FAT3: variants seen among roughly 807,000 people sequenced by gnomAD.
The protein encoded by FAT3 is FAT atypical cadherin 3, also known as protocadherin Fat 3.
Under a neutral mutation model 310.2 loss-of-function variants are expected in FAT3, and 95 were observed. The ratio of observed to expected loss-of-function variants is 0.31; its 90% CI spans 0.26 to 0.36. The LOEUF is 0.36. Among genes scored for constraint, FAT3 ranks in the 10% least tolerant of loss-of-function variants. FAT3 has a pLI of 1.00. For synonymous variants in FAT3, 2,314 were observed against 2,192.9 expected (o/e 1.06, Z -1.54); for missense variants, 5,408 against 5,715.6 (o/e 0.95, Z 1.74).
intron 3 of FAT3, among the ~76,000 whole-genome samples, chr11:92,582,470 A>G (rs924375780): frequency 6.6e-6 from 1 of 152,000 alleles, no homozygotes; most frequent in Non-Finnish European, 1.5e-5. Flanking sequence ...CTGATATTCA[A>G]ATTTAACTGA....
intron 4 of FAT3, among the ~76,000 whole-genome samples, chr11:92,739,144 C>T (rs1049134449): frequency 3.9e-5 from 6 of 152,162 alleles, no homozygotes; most frequent in African/African-American, 1.4e-4. Flanking sequence ...CACCCTAAGC[C>T]TTTCCTGGAT....
At chr11:92,495,456 A>G (rs1003942914) in intron 2 of FAT3, among the ~76,000 whole-genome samples, 1 of 152,096 alleles carries the variant, frequency 6.6e-6, no homozygotes, top group Non-Finnish European at 1.5e-5. Context: ...ACAATTGAAG[A>G]TATTTTTCAC....
intron 1 of FAT3, among the ~76,000 whole-genome samples, chr11:92,271,518 G>C (rs917663041): frequency 6.6e-5 from 10 of 152,094 alleles, no homozygotes; most frequent in Non-Finnish European, 1.0e-4. Context: ...GAAATGGACT[G>C]TTTATATGTT....
chr11:92,371,415 C>T (rs1949183530), intron 2 of FAT3, among the ~76,000 whole-genome samples: 1 of 151,004 alleles, frequency 6.6e-6, no homozygotes, highest in African/African-American at 2.5e-5. Context: ...CCCTAAGTAC[C>T]TCCTTAGGGG....
In FAT3 at chr11:92,798,044, A is replaced by C; in HGVS notation, c.5031A>C (p.Gln1677His). The change falls in exon 10 of 28, where the codon CAA becomes CAC. Residue 1677 changes from glutamine (Q) to histidine (H), a missense_variant. Coordinates refer to ENST00000525166, the MANE Select transcript of FAT3 (RefSeq NM_001367949.2). ...CCAAGTTCATTCACAAAGACTACCA[A>C]GCAGAAGTAAATGAAAATGTTGACA... ...SHPKFIHKDYQAEVNENVDIG... is the reference protein window; with the variant it reads ...SHPKFIHKDYHAEVNENVDIG... The C allele has an allele frequency of 6.2e-7, 1 of 1,613,914 alleles. No homozygotes were observed. The highest frequency in any genetic ancestry group is 8.5e-7 in the Non-Finnish European group (1 of 1,179,872).
chr11:92,776,690 G>A (rs1411233147), intron 7 of FAT3, among the ~76,000 whole-genome samples: 2 of 152,136 alleles, frequency 1.3e-5, no homozygotes, highest in Non-Finnish European at 2.9e-5. Flanking sequence ...GAACTTTGAG[G>A]CACCTTTTGG....
chr11:92,440,209 G>T (rs1275328079), intron 2 of FAT3, among the ~76,000 whole-genome samples: 1 of 152,148 alleles, frequency 6.6e-6, no homozygotes, highest in Non-Finnish European at 1.5e-5. Flanking sequence ...CAAGGATTGG[G>T]TGCAATTAGT....
intron 3 of FAT3, among the ~76,000 whole-genome samples, chr11:92,531,675 C>T (rs1954078456): frequency 6.6e-6 from 1 of 151,990 alleles, no homozygotes; most frequent in African/African-American, 2.4e-5. Flanking sequence ...AGATAACCAG[C>T]CTTCCTCTGG....
rs753671600 is a variant in FAT3, at chr11:92,837,655, C to T, written c.10225-8C>T. ...CCTCTTTACTGTCACCTCTTTGTAC[C>T]TTGGCAGGTGTCTGGATACTCTCTG... On this transcript the variant is annotated splice_polypyrimidine_tract_variant and splice_region_variant and intron_variant, in intron 16 of 27. Coordinates refer to ENST00000525166, the MANE Select transcript of FAT3 (RefSeq NM_001367949.2). 9.3e-6 allele frequency: 15 copies of T among 1,613,572 alleles called. No homozygotes were observed. Among genetic ancestry groups the T allele is most frequent in the Admixed American group, 1.7e-5 (1 of 59,998 alleles).
intron 1 of FAT3, among the ~76,000 whole-genome samples, chr11:92,319,779 T>C (rs1947559874): frequency 6.6e-6 from 1 of 152,164 alleles, no homozygotes; most frequent in African/African-American, 2.4e-5. Context: ...ACACAGGCAA[T>C]CCTCTTGCCA....
intron 2 of FAT3, among the ~76,000 whole-genome samples, chr11:92,389,818 A>G (rs959914652): frequency 1.3e-5 from 2 of 152,110 alleles, no homozygotes; most frequent in Admixed American, 1.3e-4. Flanking sequence ...TCCCTTAAAT[A>G]CTATGGAATT....
At chr11:92,405,988 A>C (rs1462011123) in intron 2 of FAT3, among the ~76,000 whole-genome samples, 1 of 152,194 alleles carries the variant, frequency 6.6e-6, no homozygotes, top group Admixed American at 6.5e-5. Flanking sequence ...GAACATTTTG[A>C]AACTGTGAAT....
chr11:92,799,639 A>T lies in FAT3; in HGVS notation c.6626A>T (p.Asn2209Ile). Reference protein sequence around the residue: ...IRMNTPILSINATSPEGQGII... With the variant: ...IRMNTPILSIIATSPEGQGII... ...ATGAACACACCCATCCTAAGCATCA[A>T]TGCCACCAGTCCAGAAGGCCAAGGC... Residue 2209 changes from asparagine to isoleucine, a missense_variant, in exon 10 of 28, where the codon AAT becomes ATT. By Grantham distance (149) the Asn-to-Ile change is moderately radical. Transcript: ENST00000525166. 6.2e-7 allele frequency: 1 copy of T among 1,613,818 alleles called. No individual in the cohort carries two copies. Among genetic ancestry groups the T allele is most frequent in the Non-Finnish European group, 8.5e-7 (1 of 1,179,832 alleles).
intron 2 of FAT3, among the ~76,000 whole-genome samples, chr11:92,356,366 G>A (rs1948730842): frequency 6.6e-6 from 1 of 152,182 alleles, no homozygotes; most frequent in African/African-American, 2.4e-5. Context: ...ACATACATTA[G>A]ATACTTGTCC....
chr11:92,480,570 A>G (rs1317337544), intron 2 of FAT3, among the ~76,000 whole-genome samples: 2 of 152,172 alleles, frequency 1.3e-5, no homozygotes, highest in African/African-American at 4.8e-5. Flanking sequence ...ACATGAAACA[A>G]ATCTTCTAGT....
chr11:92,319,074 AAAC>A (rs893829292), intron 1 of FAT3, among the ~76,000 whole-genome samples: 7 of 152,318 alleles, frequency 4.6e-5, no homozygotes, highest in South Asian at 4.1e-4. Context: ...TACACAATCT[AAAC>A]AACAACAACA....
chr11:92,334,877 G>A (rs963827112), intron 1 of FAT3, among the ~76,000 whole-genome samples: 4 of 152,136 alleles, frequency 2.6e-5, no homozygotes, highest in Admixed American at 6.6e-5. Context: ...ATTAAATTAC[G>A]CTTACGTGAG....
At chr11:92,821,144 T>A (rs914720926) in intron 13 of FAT3, among the ~76,000 whole-genome samples, 15 of 152,168 alleles carry the variant, frequency 9.9e-5, no homozygotes, top group African/African-American at 3.1e-4. Context: ...TCCTATTAGA[T>A]CTTAGGATGT....
intron 2 of FAT3, among the ~76,000 whole-genome samples, chr11:92,424,354 T>G (rs1950588072): frequency 1.3e-5 from 2 of 152,190 alleles, no homozygotes; most frequent in African/African-American, 4.8e-5. Context: ...AATGTTTTTA[T>G]GAAATGACTG....
Sources: allele counts gnomAD v4.1 joint callset (sites outside exome capture counted in the v4.1 genomes callset), GRCh38; gene constraint gnomAD v4.1.1; transcripts MANE v1.5; gene names NCBI Gene and HGNC (gene_info 2026-07-23, HGNC 2026-07-21).